TEX36: variants seen among roughly 807,000 people sequenced by gnomAD.
The protein encoded by TEX36 is testis expressed 36.
In TEX36, 12 loss-of-function variants were observed where a neutral mutation model predicts 13.6. That is an observed-to-expected ratio of 0.88 (90% CI 0.56 to 1.43). The LOEUF is 1.43. Among genes scored for constraint, TEX36 ranks in the 40% most tolerant of loss-of-function variants. The pLI is 0.00. For missense variants in TEX36, 224 were observed against 228.3 expected, an observed-to-expected ratio of 0.98 and a Z score of 0.12; for synonymous variants, 93 against 83.0, an observed-to-expected ratio of 1.12 and a Z score of -0.65.
At chr10:125,601,688 G>A (rs1189161248) in intron 3 of TEX36, among the ~76,000 whole-genome samples, 1 of 152,146 alleles carries the variant, frequency 6.6e-6, no homozygotes, top group South Asian at 2.1e-4. Context: ...GGGATCCAGG[G>A]CCCCCACCTA....
chr10:125,579,504 G>A (rs981406866), intron 3 of TEX36, among the ~76,000 whole-genome samples: 1 of 152,132 alleles, frequency 6.6e-6, no homozygotes, highest in African/African-American at 2.4e-5. Context: ...TGAGATTTTG[G>A]GTGGGGACAC....
chr10:125,603,657 G>A (rs540196478), intron 3 of TEX36, among the ~76,000 whole-genome samples: 2 of 152,302 alleles, frequency 1.3e-5, no homozygotes, highest in East Asian at 3.9e-4. Context: ...TCTGTGGCAG[G>A]GCATGCAGCC....
chr10:125,608,921 G>T (rs1216755976), intron 3 of TEX36, among the ~76,000 whole-genome samples: 1 of 149,534 alleles, frequency 6.7e-6, no homozygotes, highest in Non-Finnish European at 1.5e-5. Flanking sequence ...GATCACTTGA[G>T]GCCAGGAGTT....
chr10:125,612,258 A>G (rs1270185182), intron 3 of TEX36, among the ~76,000 whole-genome samples: 1 of 141,612 alleles, frequency 7.1e-6, no homozygotes, highest in Non-Finnish European at 1.6e-5. Flanking sequence ...TAATTTTTGT[A>G]TTTTTAGTAG....
intron 3 of TEX36, among the ~76,000 whole-genome samples, chr10:125,588,966 C>G (rs1463065419): frequency 6.6e-6 from 1 of 152,200 alleles, no homozygotes; most frequent in Admixed American, 6.5e-5. Context: ...TCACCAATGG[C>G]TGGCACTAAG....
intron 3 of TEX36, among the ~76,000 whole-genome samples, chr10:125,596,349 G>A (rs1846081958): frequency 6.6e-6 from 1 of 152,116 alleles, no homozygotes; most frequent in Non-Finnish European, 1.5e-5. Flanking sequence ...ATAGAGGTGA[G>A]GAAGTTAGAA....
intron 1 of TEX36, 45 bp downstream of exon 1, chr10:125,682,894 C>A (rs1268904619): frequency 1.9e-6 from 3 of 1,548,868 alleles, no homozygotes; most frequent in East Asian, 2.4e-5. Flanking sequence ...GTTGACCACA[C>A]CCACGTGGCA....
chr10:125,592,125 C>T (rs185653131), intron 3 of TEX36, among the ~76,000 whole-genome samples: 124 of 152,354 alleles, frequency 8.1e-4, no homozygotes, highest in African/African-American at 2.5e-3. Context: ...TGTTTGAGCA[C>T]TGGTTTATTT....
chr10:125,595,995 A>T (rs1380063918), intron 3 of TEX36, among the ~76,000 whole-genome samples: 3 of 152,242 alleles, frequency 2.0e-5, no homozygotes. Context: ...ATAAAGTTAG[A>T]TGTCAGGAAT....
intron 1 of TEX36, among the ~76,000 whole-genome samples, chr10:125,680,470 G>A (rs1847376480): frequency 1.3e-5 from 2 of 152,144 alleles, no homozygotes; most frequent in Non-Finnish European, 2.9e-5. Flanking sequence ...GTGAAATACA[G>A]CTTTTTAACA....
chr10:125,669,378 G>A (rs1847183194), intron 1 of TEX36, among the ~76,000 whole-genome samples: 1 of 152,048 alleles, frequency 6.6e-6, no homozygotes, highest in Non-Finnish European at 1.5e-5. Flanking sequence ...TACTCGGAAG[G>A]CTGAGGCAGG....
At chr10:125,610,178 G>C (rs1000123724) in intron 3 of TEX36, among the ~76,000 whole-genome samples, 12 of 152,198 alleles carry the variant, frequency 7.9e-5, no homozygotes, top group African/African-American at 2.9e-4. Flanking sequence ...CCCTCATTTA[G>C]CATATGATCA....
chr10:125,681,231 G>T (rs12414219), intron 1 of TEX36, among the ~76,000 whole-genome samples: 4,294 of 152,272 alleles, frequency 0.028, 135 homozygotes, highest in African/African-American at 0.073. Flanking sequence ...GCTGAAAAGG[G>T]AGCTGCTGAT....
downstream of TEX36, among the ~76,000 whole-genome samples, chr10:125,621,222 G>A (rs927766179): frequency 7.9e-5 from 12 of 152,118 alleles, no homozygotes; most frequent in East Asian, 9.6e-4. Flanking sequence ...ACCCAGGAGC[G>A]GAATTGCTGA....
intron 3 of TEX36, among the ~76,000 whole-genome samples, chr10:125,593,763 G>A (rs1846049447): frequency 6.6e-6 from 1 of 152,222 alleles, no homozygotes; most frequent in Non-Finnish European, 1.5e-5. Context: ...GAGGGGAAGA[G>A]AGAACAGGGA....
At chr10:125,618,714 G>A (rs938876964), downstream of TEX36, among the ~76,000 whole-genome samples, 2 of 152,038 alleles carry the variant, frequency 1.3e-5, no homozygotes, top group Non-Finnish European at 2.9e-5. Context: ...CCACCCTCCA[G>A]ACCTTGATCT....
intron 3 of TEX36, among the ~76,000 whole-genome samples, chr10:125,623,984 G>A (rs572273898): frequency 1.6e-4 from 25 of 152,300 alleles, no homozygotes; most frequent in Non-Finnish European, 2.9e-4. Flanking sequence ...CGTGTGGACA[G>A]GTTGGGAGGT....
At chr10:125,671,897 G>A (rs1296599462) in intron 1 of TEX36, among the ~76,000 whole-genome samples, 1 of 152,098 alleles carries the variant, frequency 6.6e-6, no homozygotes, top group African/African-American at 2.4e-5. Flanking sequence ...ATTTCTTCTA[G>A]ATTTTCTAGT....
rs2128640 is a variant in TEX36 at position 125,662,191 on chromosome 10, A to G, written c.52-214T>C. Among the ~76,000 whole-genome samples the G allele has an allele frequency of 1.7e-3, 253 of 152,350 alleles. 2 individuals are homozygous for G. The highest frequency in any genetic ancestry group is 0.015 in the Admixed American group (231 of 15,300). On this transcript the variant is annotated intron_variant, in intron 1 of 3. Coordinates refer to ENST00000368821, the MANE Select transcript of TEX36 (RefSeq NM_001128202.3). ...ATCACTGCCGGTTGTTTCAAGTTAC[A>G]GAGGCCACCCCTGCTGAGCTGGAGC... is the stretch of plus-strand genomic sequence containing the variant.
Sources: gnomAD v4.1 joint callset for allele counts (sites outside exome capture counted in the v4.1 genomes callset) on GRCh38, gnomAD v4.1.1 for gene constraint, MANE v1.5 for transcripts, NCBI Gene and HGNC (gene_info 2026-07-23, HGNC 2026-07-21) for gene names.